The following MALRD1 variants were observed in gnomAD, a reference collection of about 807,000 sequenced individuals.
The protein encoded by MALRD1 is MAM and LDL-receptor class A domain-containing protein 1.
MALRD1 carries 247 observed loss-of-function variants against 242.1 expected under a neutral mutation model. The ratio of observed to expected loss-of-function variants is 1.02; its 90% CI spans 0.92 to 1.13. The LOEUF (loss-of-function observed/expected upper bound fraction) is 1.13. Among genes scored for constraint, MALRD1 ranks in the 50% most tolerant of loss-of-function variants. The pLI is 0.00. For synonymous variants in MALRD1, 995 were observed against 866.6 expected (o/e 1.15, Z -2.60); for missense variants, 2,989 against 2,533.1 (o/e 1.18, Z -3.86).
chr10:19,082,554 G>C (rs994823728), intron 2 of MALRD1, among the ~76,000 whole-genome samples: 8 of 151,690 alleles, frequency 5.3e-5, no homozygotes, highest in African/African-American at 1.7e-4. Flanking sequence ...TAAAGTCTTT[G>C]TCTAATAAGT....
rs1427029356 is a variant in MALRD1 at position 19,489,460 on chromosome 10, G to A, written c.5030-2057G>A. 6.9e-6 allele frequency: 4 copies of A among 581,756 alleles called. No homozygotes were observed. The East Asian group carries it at 1.5e-4, about 21-fold the overall frequency. 36.0% of individuals were successfully genotyped at this position (581,756 alleles called of 1,614,324 possible). A position where few individuals can be genotyped will look rare whatever the true frequency, so the allele number is the denominator to read the frequency against. On this transcript the variant is annotated intron_variant, in intron 29 of 39. Coordinates refer to ENST00000454679, the MANE Select transcript of MALRD1 (RefSeq NM_001142308.3). ...GTCTCCCTTCTTGTACAATCCAGGG[G>A]AATATTTTTATCAACCATTTTGTAA...
Position 19,304,421 on chromosome 10 carries a change from T to G in MALRD1, c.3420-19528T>G, listed in dbSNP as rs1400503852. 3.3e-5 allele frequency among the ~76,000 whole-genome samples: 5 copies of G among 151,742 alleles called. No homozygotes were observed. In the East Asian group the frequency reaches 5.8e-4, roughly 18 times the overall value. ...ATCTATATCCTATTGTTACTGTTTCTCTGGAGATTCTTGACTAATATAGCA... is the reference window on the plus strand; with the variant it reads ...ATCTATATCCTATTGTTACTGTTTCGCTGGAGATTCTTGACTAATATAGCA... On this transcript the variant is annotated intron_variant, in intron 21 of 39. Coordinates refer to ENST00000454679, the MANE Select transcript of MALRD1 (RefSeq NM_001142308.3).
intron 18 of MALRD1, among the ~76,000 whole-genome samples, chr10:19,245,681 GAA>G (rs892299748): frequency 2.0e-5 from 3 of 152,066 alleles, no homozygotes. Context: ...CTAATTATCA[GAA>G]AAACCTAAAG....
At chr10:19,075,397 TA>T (rs1259612633) in intron 2 of MALRD1, among the ~76,000 whole-genome samples, 15 of 152,046 alleles carry the variant, frequency 9.9e-5, no homozygotes, top group African/African-American at 3.6e-4. Flanking sequence ...CATGAGCCCT[TA>T]AAAGCAGAAG....
chr10:19,400,362 G>A (rs927427760), intron 28 of MALRD1, among the ~76,000 whole-genome samples: 4 of 152,104 alleles, frequency 2.6e-5, no homozygotes, highest in East Asian at 3.9e-4. Context: ...ATTCAGTGGC[G>A]GTGTGTTCCC....
At chr10:19,140,543 A>ATGTGTGTATGTG (rs1833502499) in intron 10 of MALRD1, among the ~76,000 whole-genome samples, 1 of 146,990 alleles carries the variant, frequency 6.8e-6, no homozygotes, top group Admixed American at 6.9e-5. Context: ...GTGTGTGTGT[A>ATGTGTGTATGTG]TGTGTGTGTG....
intron 38 of MALRD1, among the ~76,000 whole-genome samples, chr10:19,719,239 T>TACATACATAG (rs1392517480): frequency 8.5e-6 from 1 of 117,338 alleles, no homozygotes; most frequent in Non-Finnish European, 1.7e-5. Context: ...TATATATATA[T>TACATACATAG]ATATATATAT....
At chr10:19,157,797 C>T (rs1247981372) in intron 12 of MALRD1, among the ~76,000 whole-genome samples, 2 of 152,004 alleles carry the variant, frequency 1.3e-5, no homozygotes, top group Non-Finnish European at 2.9e-5. Context: ...TCCTAGCAGA[C>T]TAATACAGTT....
chr10:19,546,510 T>C (rs1408703762), intron 32 of MALRD1, among the ~76,000 whole-genome samples: 1 of 152,234 alleles, frequency 6.6e-6, no homozygotes, highest in Non-Finnish European at 1.5e-5. Context: ...CAGCAACTCC[T>C]AACCCAAGGA....
chr10:19,138,767 G>A (rs768376609), intron 10 of MALRD1, among the ~76,000 whole-genome samples: 15 of 151,980 alleles, frequency 9.9e-5, no homozygotes, highest in South Asian at 2.1e-4. Flanking sequence ...TGTATTCCCC[G>A]TAGTAAATCA....
chr10:19,173,230 A>T (rs1039726019), intron 13 of MALRD1, among the ~76,000 whole-genome samples: 2 of 152,102 alleles, frequency 1.3e-5, no homozygotes, highest in Non-Finnish European at 2.9e-5. Context: ...ATATTATACT[A>T]TAATATTTTT....
chr10:19,331,592 AG>A lies in MALRD1; in HGVS notation c.3901+13del. The stretch of plus-strand genomic sequence containing the variant: ...ACTACTTTCATTTGCCGTAAGTAAA[AG>A]GGTTCTGTTTTCTTACTTTTGCCTT... On this transcript the variant is annotated intron_variant, in intron 24 of 39. Transcript: ENST00000454679. 6.5e-7 allele frequency: 1 copy of A among 1,547,224 alleles called. No homozygotes were observed. The highest frequency in any genetic ancestry group is 8.7e-7 in the Non-Finnish European group (1 of 1,144,302).
intron 33 of MALRD1, among the ~76,000 whole-genome samples, chr10:19,592,383 G>A (rs1236672589): frequency 1.3e-5 from 2 of 152,210 alleles, no homozygotes; most frequent in East Asian, 1.9e-4. Context: ...TAGGGCCTGG[G>A]CCATCTTATC....
chr10:19,209,411 A>AAAGGACACT lies in MALRD1; in HGVS notation c.2724_2732dup (p.His910_Tyr911insTer). The AAAGGACACT allele has an allele frequency of 6.4e-7, 1 of 1,551,068 alleles. No individual in the cohort carries two copies. The highest frequency in any genetic ancestry group is 8.7e-7 in the Non-Finnish European group (1 of 1,147,098). ...GAAAGATAACACTCTGGGCACAGCT[A>AAAGGACACT]AAGGACACTATCTCTACATAGAATC... On this transcript the variant is annotated stop_gained and inframe_insertion, in exon 18 of 40. Coordinates refer to ENST00000454679, the MANE Select transcript of MALRD1 (RefSeq NM_001142308.3). LOFTEE classifies it high-confidence loss of function.
chr10:19,244,812 A>G (rs965889104), intron 18 of MALRD1, among the ~76,000 whole-genome samples: 4 of 152,094 alleles, frequency 2.6e-5, no homozygotes, highest in Non-Finnish European at 5.9e-5. Flanking sequence ...CCAAATATAG[A>G]CTAATTCTGT....
At chr10:19,495,119 A>G (rs949684086) in intron 30 of MALRD1, among the ~76,000 whole-genome samples, 2 of 151,926 alleles carry the variant, frequency 1.3e-5, no homozygotes, top group Non-Finnish European at 2.9e-5. Context: ...TTGGATTACA[A>G]GTGTCTACCA....
intron 5 of MALRD1, among the ~76,000 whole-genome samples, chr10:19,106,357 T>C (rs1446182120): frequency 6.6e-6 from 1 of 151,838 alleles, no homozygotes; most frequent in Non-Finnish European, 1.5e-5. Flanking sequence ...CTGTTCAGAT[T>C]TTCTCTTTCT....
At chr10:19,184,432 T>C (rs993038609) in intron 14 of MALRD1, among the ~76,000 whole-genome samples, 1 of 152,228 alleles carries the variant, frequency 6.6e-6, no homozygotes, top group African/African-American at 2.4e-5. Context: ...TACCTCATCA[T>C]TTTTGAAAGC....
intron 11 of MALRD1, among the ~76,000 whole-genome samples, chr10:19,149,396 C>T (rs547922300): frequency 2.8e-4 from 43 of 152,106 alleles, no homozygotes; most frequent in African/African-American, 1.0e-3. Context: ...CTCGAATTTC[C>T]TTCCTGCCTT....
Sources: allele counts gnomAD v4.1 joint callset (sites outside exome capture counted in the v4.1 genomes callset), GRCh38; gene constraint gnomAD v4.1.1; transcripts MANE v1.5; gene names NCBI Gene and HGNC (gene_info 2026-07-23, HGNC 2026-07-21).